CAMK2D: variants seen among roughly 807,000 people sequenced by gnomAD.
The protein encoded by CAMK2D is calcium/calmodulin-dependent protein kinase type II subunit delta.
A neutral mutation model predicts 84.0 loss-of-function variants in CAMK2D; 37 were observed. The ratio of observed to expected loss-of-function variants is 0.44; its 90% confidence interval spans 0.34 to 0.58. The LOEUF (loss-of-function observed/expected upper bound fraction) is 0.58. Among genes scored for constraint, CAMK2D ranks in the 20% least tolerant of loss-of-function variants. The probability of loss-of-function intolerance (pLI) is 0.02; values close to 1 mark genes in which losing one functional copy is unlikely to be tolerated. For synonymous variants in CAMK2D, 202 were observed against 212.5 expected (o/e 0.95, Z 0.43); for missense variants, 448 against 652.5 (o/e 0.69, Z 3.41).
In CAMK2D at chr4:113,457,551, C is replaced by T. The variant is rs756086512; in HGVS notation, c.1319G>A (p.Ser440Asn). The change falls in exon 19 of 21, where the codon AGC becomes AAC. Residue 440 changes from serine (S) to asparagine (N), a missense_variant. By Grantham distance (46) the Ser-to-Asn change is conservative. Coordinates refer to ENST00000511664, the MANE Select transcript of CAMK2D (RefSeq NM_001321571.2). ...RFYFENALSK[S>N]NKPIHTIILN... ...AATAATAGTGTGGATTGGTTTATTG[C>T]TTTTGGACAAAGCTGAAAGAGAAAA... is the stretch of plus-strand genomic sequence containing the variant. 1 of 1,612,466 alleles carries T rather than the reference C, an allele frequency of 6.2e-7. No individual in the cohort carries two copies. Among genetic ancestry groups the T allele is most frequent in the South Asian group, 1.1e-5 (1 of 90,644 alleles).
At chr4:113,608,491 G>T (rs1161540482) in intron 4 of CAMK2D, among the ~76,000 whole-genome samples, 4 of 152,112 alleles carry the variant, frequency 2.6e-5, no homozygotes, top group Admixed American at 2.6e-4. Context: ...AATTTTAACT[G>T]AATTTAGGGT....
intron 16 of CAMK2D, among the ~76,000 whole-genome samples, chr4:113,480,049 C>T (rs754540358): frequency 5.3e-5 from 8 of 152,080 alleles, no homozygotes; most frequent in Non-Finnish European, 1.2e-4. Flanking sequence ...GCAACCTCTG[C>T]CTCCCGGGTT....
At chr4:113,507,081 C>CT (rs535730249) in intron 13 of CAMK2D, among the ~76,000 whole-genome samples, 29 of 152,160 alleles carry the variant, frequency 1.9e-4, no homozygotes, top group Middle Eastern at 3.4e-3. Flanking sequence ...GCAGTTAAAG[C>CT]TTTTTTGTTA....
intron 3 of CAMK2D, among the ~76,000 whole-genome samples, chr4:113,627,649 G>A (rs1446428575): frequency 6.6e-6 from 1 of 152,118 alleles, no homozygotes; most frequent in African/African-American, 2.4e-5. Context: ...ACTCTAGACA[G>A]CACTGCAGCT....
chr4:113,707,368 C>A (rs1003786608), intron 2 of CAMK2D, among the ~76,000 whole-genome samples: 1 of 152,008 alleles, frequency 6.6e-6, no homozygotes, highest in African/African-American at 2.4e-5. Context: ...TGAAGAAAAA[C>A]CTGAGGGAAT....
chr4:113,588,872 T>C (rs1239902298), intron 4 of CAMK2D, among the ~76,000 whole-genome samples: 1 of 118,304 alleles, frequency 8.5e-6, no homozygotes, highest in Non-Finnish European at 1.8e-5. Context: ...GGTAGTTTAA[T>C]AGTGGTGTCA....
chr4:113,636,876 C>T (rs2099111861), intron 3 of CAMK2D, among the ~76,000 whole-genome samples: 1 of 152,090 alleles, frequency 6.6e-6, no homozygotes, highest in African/African-American at 2.4e-5. Flanking sequence ...CATAACAATC[C>T]CACTCAGATG....
intron 4 of CAMK2D, among the ~76,000 whole-genome samples, chr4:113,607,108 C>A (rs986766678): frequency 1.3e-5 from 2 of 151,586 alleles, no homozygotes; most frequent in African/African-American, 2.4e-5. Flanking sequence ...TGCTAGCATA[C>A]CTATCCTAAA....
chr4:113,538,312 A>C (rs1022611237), intron 6 of CAMK2D, among the ~76,000 whole-genome samples: 1 of 152,188 alleles, frequency 6.6e-6, no homozygotes, highest in Admixed American at 6.5e-5. Flanking sequence ...GTACTTTGAA[A>C]ATAAGCACCA....
At chr4:113,705,409 TG>T (rs1179736296) in intron 2 of CAMK2D, among the ~76,000 whole-genome samples, 1 of 151,864 alleles carries the variant, frequency 6.6e-6, no homozygotes, top group African/African-American at 2.4e-5. Flanking sequence ...TCAGGTTCTC[TG>T]ATTTCTGCAT....
At chr4:113,666,865 G>A (rs756427376) in intron 2 of CAMK2D, among the ~76,000 whole-genome samples, 1 of 152,188 alleles carries the variant, frequency 6.6e-6, no homozygotes, top group Non-Finnish European at 1.5e-5. Flanking sequence ...CTGCTGAGCT[G>A]CTGTGTTCCC....
intron 2 of CAMK2D, among the ~76,000 whole-genome samples, chr4:113,670,927 C>CAA (rs550687003): frequency 5.6e-5 from 8 of 143,724 alleles, no homozygotes; most frequent in African/African-American, 1.8e-4. Flanking sequence ...GACTCCGTCT[C>CAA]AAAAAAAAAA....
chr4:113,617,112 A>G (rs973050057), intron 3 of CAMK2D, among the ~76,000 whole-genome samples: 4 of 152,044 alleles, frequency 2.6e-5, no homozygotes, highest in South Asian at 2.1e-4. Context: ...TTGTTATTCT[A>G]TCTTCCACTA....
intron 2 of CAMK2D, among the ~76,000 whole-genome samples, chr4:113,693,243 T>C (rs2099393488): frequency 1.3e-5 from 2 of 152,100 alleles, no homozygotes; most frequent in Admixed American, 1.3e-4. Context: ...GAACCAACAT[T>C]TGTACAGTTT....
intron 4 of CAMK2D, among the ~76,000 whole-genome samples, chr4:113,554,995 T>G (rs1259764752): frequency 3.3e-5 from 5 of 151,990 alleles, no homozygotes; most frequent in Non-Finnish European, 5.9e-5. Flanking sequence ...AAATGAGATA[T>G]GTATCAGAAA....
chr4:113,602,091 CT>C (rs796160486), intron 4 of CAMK2D, among the ~76,000 whole-genome samples: 91 of 146,084 alleles, frequency 6.2e-4, no homozygotes, highest in South Asian at 5.2e-3. Context: ...TATTTTAGTT[CT>C]TTTTTTTTTT....
chr4:113,665,851 A>G (rs866398794), intron 2 of CAMK2D, among the ~76,000 whole-genome samples: 2 of 152,236 alleles, frequency 1.3e-5, no homozygotes, highest in African/African-American at 4.8e-5. Flanking sequence ...CAATGCCTTA[A>G]GGAAAATACA....
chr4:113,607,435 A>G (rs2098982675), intron 4 of CAMK2D, among the ~76,000 whole-genome samples: 1 of 152,098 alleles, frequency 6.6e-6, no homozygotes, highest in Admixed American at 6.5e-5. Context: ...ACGCATTAAG[A>G]TGGTCTGGAG....
At chr4:113,597,019 C>T (rs1591706259) in intron 4 of CAMK2D, among the ~76,000 whole-genome samples, 1 of 152,006 alleles carries the variant, frequency 6.6e-6, no homozygotes, top group Non-Finnish European at 1.5e-5. Flanking sequence ...GGGGTTTCAC[C>T]GTGTTAGCCA....
Sources: allele counts gnomAD v4.1 joint callset (sites outside exome capture counted in the v4.1 genomes callset), GRCh38; gene constraint gnomAD v4.1.1; transcripts MANE v1.5; gene names NCBI Gene and HGNC (gene_info 2026-07-23, HGNC 2026-07-21).